EDA: variants seen among roughly 807,000 people sequenced by gnomAD.
EDA encodes the protein ectodysplasin-A.
In EDA, 2 loss-of-function variants were observed where a neutral mutation model predicts 23.6. That is an observed-to-expected ratio of 0.08 (90% CI 0.03 to 0.27). EDA has a LOEUF of 0.27. EDA is among the 10% of genes least tolerant of loss of function. The probability of loss-of-function intolerance (pLI) is 1.00; values close to 1 mark genes in which losing one functional copy is unlikely to be tolerated. For missense variants in EDA, 229 were observed against 324.2 expected (o/e 0.71, Z 2.26); for synonymous variants, 131 against 132.0 (o/e 0.99, Z 0.05).
chrX:69,785,740 T>C (rs1371515927), intron 1 of EDA, among the ~76,000 whole-genome samples: 1 of 106,630 alleles, frequency 9.4e-6, no homozygotes, highest in Non-Finnish European at 2.0e-5. Flanking sequence ...TCAAGGATAT[T>C]GGTCTAAAAT....
chrX:69,942,096 C>G (rs1437142657), intron 1 of EDA, among the ~76,000 whole-genome samples: 1 of 111,433 alleles, frequency 9.0e-6, no homozygotes, highest in Non-Finnish European at 1.9e-5. Flanking sequence ...TAACTTCATC[C>G]CCCCACTTTA....
At chrX:69,823,811 T>C (rs1312124686) in intron 1 of EDA, among the ~76,000 whole-genome samples, 1 of 92,351 alleles carries the variant, frequency 1.1e-5, no homozygotes, top group Non-Finnish European at 2.1e-5. Flanking sequence ...GGTTTTCTTC[T>C]AGGGTTTTTA....
intron 1 of EDA, among the ~76,000 whole-genome samples, chrX:69,833,514 T>C (rs2147545626): frequency 9.1e-6 from 1 of 110,347 alleles, no homozygotes; most frequent in African/African-American, 3.3e-5. Flanking sequence ...TTTTTTTTGC[T>C]GTGTCTCTGC....
At chrX:69,792,613 C>A (rs28869833) in intron 1 of EDA, among the ~76,000 whole-genome samples, 6,740 of 112,146 alleles carry the variant, frequency 0.06, 204 homozygotes, top group Middle Eastern at 0.092. Context: ...TCCCTTTCCA[C>A]CACATCCATG....
At chrX:69,747,580 G>A (rs2013662724) in intron 1 of EDA, among the ~76,000 whole-genome samples, 1 of 112,181 alleles carries the variant, frequency 8.9e-6, no homozygotes, top group African/African-American at 3.2e-5. Flanking sequence ...AAAGAGGTCA[G>A]CAGTGGAAGC....
chrX:69,711,830 G>T lies in EDA; in HGVS notation c.396+95126G>T, dbSNP rs1323845642. 2.7e-5 allele frequency among the ~76,000 whole-genome samples: 3 copies of T among 111,445 alleles called. 1 individual carries two copies. In the South Asian group the frequency reaches 1.1e-3, roughly 42 times the overall value. On this transcript the variant is annotated intron_variant, in intron 1 of 7. Coordinates refer to ENST00000374552, the MANE Select transcript of EDA (RefSeq NM_001399.5). Reference sequence around the variant, plus strand: ...TGGTAGTTTGTATTTCTGTGGGATCGATGGTGATATCCCCTTTATCATTTT... The same window carrying T: ...TGGTAGTTTGTATTTCTGTGGGATCTATGGTGATATCCCCTTTATCATTTT...
chrX:69,966,791 T>C (rs2019180501), intron 2 of EDA, among the ~76,000 whole-genome samples: 1 of 109,616 alleles, frequency 9.1e-6, no homozygotes, highest in African/African-American at 3.3e-5. Context: ...AAGGAATGAG[T>C]TCTATGTAGT....
At chrX:69,652,599 T>A (rs1187059752) in intron 1 of EDA, among the ~76,000 whole-genome samples, 2 of 111,977 alleles carry the variant, frequency 1.8e-5, no homozygotes, top group Non-Finnish European at 3.8e-5. Context: ...GTAGCTTTAC[T>A]GTTAAACAAA....
chrX:69,805,486 C>G (rs961090133), intron 1 of EDA, among the ~76,000 whole-genome samples: 10 of 111,811 alleles, frequency 8.9e-5, no homozygotes, highest in Non-Finnish European at 1.7e-4. Flanking sequence ...CAAAAGGCCT[C>G]TCCAAGATAT....
chrX:69,736,182 G>C (rs1452721011), intron 1 of EDA, among the ~76,000 whole-genome samples: 1 of 109,721 alleles, frequency 9.1e-6, no homozygotes, highest in African/African-American at 3.3e-5. Context: ...GGCGCATGCT[G>C]TAATCCCAGC....
At chrX:69,690,851 G>A (rs1336330879) in intron 1 of EDA, among the ~76,000 whole-genome samples, 2 of 111,723 alleles carry the variant, frequency 1.8e-5, no homozygotes, top group East Asian at 2.8e-4. Context: ...CTGAATCAAT[G>A]TTGGTAGTTT....
At chrX:69,966,963 GGT>G (rs1556041073) in intron 2 of EDA, among the ~76,000 whole-genome samples, 3 of 107,722 alleles carry the variant, frequency 2.8e-5, no homozygotes, top group Admixed American at 1.0e-4. Context: ...AAATATTATA[GGT>G]GTGTGTGTGT....
chrX:69,779,554 G>T (rs778962941), intron 1 of EDA, among the ~76,000 whole-genome samples: 1 of 111,154 alleles, frequency 9.0e-6, no homozygotes, highest in Non-Finnish European at 1.9e-5. Flanking sequence ...TGCTTCGTGG[G>T]TATGGAGTCA....
At chrX:69,777,144 T>TTGTTGTTGTTGTTGTTGTTG (rs374930096) in intron 1 of EDA, among the ~76,000 whole-genome samples, 2 of 106,794 alleles carry the variant, frequency 1.9e-5, no homozygotes, top group African/African-American at 3.4e-5. Context: ...GATTCTGGGT[T>TTGTTGTTGTTGTTGTTGTTG]TTGTTGTTGT....
intron 1 of EDA, among the ~76,000 whole-genome samples, chrX:69,877,905 A>G (rs899946273): frequency 8.9e-6 from 1 of 112,386 alleles, no homozygotes; most frequent in Non-Finnish European, 1.9e-5. Flanking sequence ...TTCAAGCACC[A>G]TTTGTTGAGA....
intron 1 of EDA, among the ~76,000 whole-genome samples, chrX:69,809,282 G>A (rs1229728922): frequency 9.0e-6 from 1 of 111,366 alleles, no homozygotes; most frequent in Non-Finnish European, 1.9e-5. Flanking sequence ...AAGAATGTCT[G>A]GGAGGCTTCA....
At chrX:69,841,887 A>T (rs2016902369) in intron 1 of EDA, among the ~76,000 whole-genome samples, 1 of 112,483 alleles carries the variant, frequency 8.9e-6, no homozygotes, top group African/African-American at 3.2e-5. Flanking sequence ...ACAAGGCTAA[A>T]TGTAGTCCTA....
At chrX:70,014,569 G>A (rs1182906263) in intron 2 of EDA, among the ~76,000 whole-genome samples, 1 of 112,107 alleles carries the variant, frequency 8.9e-6, no homozygotes, top group Non-Finnish European at 1.9e-5. Context: ...TCCAGCAAGA[G>A]TTCTTAGCCA....
intron 1 of EDA, among the ~76,000 whole-genome samples, chrX:69,702,433 G>A (rs1402526545): frequency 9.0e-6 from 1 of 110,610 alleles, no homozygotes; most frequent in Non-Finnish European, 1.9e-5. Flanking sequence ...CCTGAGGAGG[G>A]GAAGGTGTAG....
Sources: allele counts gnomAD v4.1 joint callset (sites outside exome capture counted in the v4.1 genomes callset), GRCh38; gene constraint gnomAD v4.1.1; transcripts MANE v1.5; gene names NCBI Gene and HGNC (gene_info 2026-07-23, HGNC 2026-07-21).